The following MDFIC2 variants were observed in gnomAD, a reference collection of about 807,000 sequenced individuals.
MDFIC2 encodes MyoD family inhibitor domain containing 2.
chr3:70,262,303 G>A (rs757288685), intron 2 of MDFIC2, among the ~76,000 whole-genome samples: 8 of 152,096 alleles, frequency 5.3e-5, no homozygotes, highest in Non-Finnish European at 1.0e-4. Context: ...AGTTTCCAAG[G>A]AGCCAACGCA....
chr3:70,266,021 A>G (rs371672986), intron 2 of MDFIC2, among the ~76,000 whole-genome samples: 1 of 152,206 alleles, frequency 6.6e-6, no homozygotes, highest in East Asian at 1.9e-4. Context: ...AAGCCTAATC[A>G]TATCACCAAA....
In MDFIC2 at chr3:70,200,596, C is replaced by G. The variant is rs559544998; in HGVS notation, c.311-3411G>C. 9.9e-5 allele frequency among the ~76,000 whole-genome samples: 15 copies of G among 152,272 alleles called. No homozygotes were observed. In the South Asian group the frequency reaches 2.9e-3, roughly 29 times the overall value. On this transcript the variant is annotated intron_variant, in intron 3 of 3. Transcript: ENST00000567252. ...TAAATCACATCCTTGCTGAAACTCT[C>G]ACAGCAATCTGTTTTATTTTTTCTT...
At chr3:70,257,862 A>G (rs1051575515) in intron 2 of MDFIC2, among the ~76,000 whole-genome samples, 2 of 152,200 alleles carry the variant, frequency 1.3e-5, no homozygotes, top group Non-Finnish European at 2.9e-5. Context: ...GGCTTTTACT[A>G]TTTGATTTCC....
rs374044466 is a variant in MDFIC2, at chr3:70,220,711, ACTG to A, written c.89-13924_89-13922del. Among the ~76,000 whole-genome samples, 162 of 152,286 alleles carry A rather than the reference ACTG, an allele frequency of 1.1e-3. 3 individuals carry two copies. Among genetic ancestry groups the A allele is most frequent in the African/African-American group, 3.6e-3 (151 of 41,564 alleles). On this transcript the variant is annotated intron_variant, in intron 2 of 3. Transcript: ENST00000567252. ...ATTTTTATTCAACAAATATTTGCTGACTGCTACTGTATCAGGCAGTGAAAATAT... is the reference window on the plus strand; with the variant it reads ...ATTTTTATTCAACAAATATTTGCTGACTACTGTATCAGGCAGTGAAAATAT...
chr3:70,255,055 G>C (rs1245784193), intron 2 of MDFIC2, among the ~76,000 whole-genome samples: 4 of 152,136 alleles, frequency 2.6e-5, no homozygotes, highest in Admixed American at 6.5e-5. Context: ...AAATCAGCTT[G>C]AGAAAGAGAG....
At chr3:70,230,549 T>C (rs746570751) in intron 2 of MDFIC2, among the ~76,000 whole-genome samples, 4 of 152,210 alleles carry the variant, frequency 2.6e-5, no homozygotes, top group Non-Finnish European at 5.9e-5. Context: ...GATGTTTGAA[T>C]AATGGAACTC....
intron 2 of MDFIC2, among the ~76,000 whole-genome samples, chr3:70,274,969 G>T (rs1255944329): frequency 6.6e-6 from 1 of 152,062 alleles, no homozygotes; most frequent in Admixed American, 6.6e-5. Context: ...ATTACTGTTT[G>T]AAACTATTTA....
At chr3:70,304,422 G>A (rs1265503086) in intron 2 of MDFIC2, among the ~76,000 whole-genome samples, 3 of 152,126 alleles carry the variant, frequency 2.0e-5, no homozygotes, top group Admixed American at 2.0e-4. Context: ...TTTCCATGGG[G>A]ATACCTCAGA....
intron 2 of MDFIC2, among the ~76,000 whole-genome samples, chr3:70,212,702 A>G (rs1701363583): frequency 6.6e-6 from 1 of 152,146 alleles, no homozygotes; most frequent in African/African-American, 2.4e-5. Flanking sequence ...TTCTCGTCAT[A>G]TTAGTCATAA....
At chr3:70,293,899 C>G (rs376045783) in intron 2 of MDFIC2, among the ~76,000 whole-genome samples, 4 of 151,798 alleles carry the variant, frequency 2.6e-5, no homozygotes, top group Non-Finnish European at 1.5e-5. Flanking sequence ...CATGTTGAAG[C>G]CTAAAGAGAC....
chr3:70,273,065 G>A (rs145052546), intron 2 of MDFIC2, among the ~76,000 whole-genome samples: 90 of 152,258 alleles, frequency 5.9e-4, no homozygotes, highest in African/African-American at 2.1e-3. Context: ...GTTGTCAAGG[G>A]AAGTTCAGCC....
At chr3:70,211,884 C>T (rs1360263274) in intron 2 of MDFIC2, among the ~76,000 whole-genome samples, 1 of 150,130 alleles carries the variant, frequency 6.7e-6, no homozygotes, top group East Asian at 2.0e-4. Flanking sequence ...TTCCCTTCTT[C>T]CCTTCCCTTT....
intron 2 of MDFIC2, among the ~76,000 whole-genome samples, chr3:70,269,379 T>C (rs1701953334): frequency 6.6e-6 from 1 of 152,208 alleles, no homozygotes; most frequent in Non-Finnish European, 1.5e-5. Flanking sequence ...ATAGACACCC[T>C]GTAACCTACT....
At chr3:70,207,725 A>G (rs1701305850) in intron 2 of MDFIC2, among the ~76,000 whole-genome samples, 3 of 152,142 alleles carry the variant, frequency 2.0e-5, no homozygotes. Context: ...AGTATTAGGT[A>G]TGATAAATAA....
Position 70,206,683 on chromosome 3 carries a change from G to A in MDFIC2, c.196C>T (p.Pro66Ser), listed in dbSNP as rs970720811. The A allele has an allele frequency of 1.3e-5, 5 of 397,634 alleles. No homozygotes were observed. Among genetic ancestry groups the A allele is most frequent in the African/African-American group, 2.1e-5 (1 of 48,498 alleles). The allele number at this position is 397,634 out of a possible 1,614,324, so 24.6% of individuals were successfully genotyped here. Residue 66 changes from proline to serine, a missense_variant, in exon 3 of 4, where the codon CCC becomes TCC. Physicochemically the swap from Pro to Ser is moderately conservative, Grantham distance 74. Transcript: ENST00000567252. Reference protein sequence around the residue: ...NITDGPAKENPNEKKLSESST... With the variant: ...NITDGPAKENSNEKKLSESST... ...GATTCTGACAGTTTTTTCTCATTGG[G>A]GTTTTCCTTGGCTGGTCCATCTGTG...
chr3:70,253,135 T>C (rs1575607314), intron 2 of MDFIC2, among the ~76,000 whole-genome samples: 1 of 152,074 alleles, frequency 6.6e-6, no homozygotes, highest in East Asian at 1.9e-4. Flanking sequence ...GTATTTTGGA[T>C]TGTGATAAGT....
chr3:70,254,939 A>T (rs754917061), intron 2 of MDFIC2, among the ~76,000 whole-genome samples: 2 of 152,178 alleles, frequency 1.3e-5, no homozygotes, highest in African/African-American at 2.4e-5. Context: ...TGGTTTCCTA[A>T]TATTCCTATT....
intron 2 of MDFIC2, among the ~76,000 whole-genome samples, chr3:70,235,418 G>A (rs555044164): frequency 4.7e-4 from 71 of 152,188 alleles, no homozygotes; most frequent in Admixed American, 5.2e-4. Context: ...CCGTCTCCTC[G>A]CAAATTAAAC....
At chr3:70,271,108 GTA>G (rs1380097310) in intron 2 of MDFIC2, among the ~76,000 whole-genome samples, 1 of 152,102 alleles carries the variant, frequency 6.6e-6, no homozygotes, top group Non-Finnish European at 1.5e-5. Flanking sequence ...CTGGGAAGTT[GTA>G]TATACTAAAT....
Sources: gnomAD v4.1 joint callset for allele counts (sites outside exome capture counted in the v4.1 genomes callset) on GRCh38, gnomAD v4.1.1 for gene constraint, MANE v1.5 for transcripts, NCBI Gene and HGNC (gene_info 2026-07-23, HGNC 2026-07-21) for gene names.